Variants in CACNA2D3 observed in about 807,000 individuals in gnomAD.
CACNA2D3 encodes calcium voltage-gated channel auxiliary subunit alpha2delta 3.
Under a neutral mutation model 160.6 loss-of-function variants are expected in CACNA2D3, and 60 were observed. The observed-to-expected ratio is 0.37, with a 90% confidence interval of 0.30 to 0.46. The LOEUF is 0.46. CACNA2D3 is among the 20% of genes least tolerant of loss of function. CACNA2D3 has a pLI of 1.00. For synonymous variants in CACNA2D3, 558 were observed against 492.9 expected (o/e 1.13, Z -1.75); for missense variants, 1,205 against 1,365.0 (o/e 0.88, Z 1.85).
intron 29 of CACNA2D3, among the ~76,000 whole-genome samples, chr3:54,973,280 C>T (rs1351552983): frequency 1.3e-5 from 2 of 152,122 alleles, no homozygotes; most frequent in Non-Finnish European, 2.9e-5. Context: ...CTCAGTCTGA[C>T]CTGCAGGTGC....
intron 14 of CACNA2D3, among the ~76,000 whole-genome samples, chr3:54,827,589 G>A (rs1041901635): frequency 2.0e-5 from 3 of 152,126 alleles, no homozygotes; most frequent in Admixed American, 6.5e-5. Context: ...TGGACGTTGT[G>A]CACCAGCTTC....
At chr3:54,789,592 A>G (rs574132467) in intron 13 of CACNA2D3, among the ~76,000 whole-genome samples, 3 of 152,176 alleles carry the variant, frequency 2.0e-5, no homozygotes, top group Non-Finnish European at 4.4e-5. Context: ...TCCAAAATCA[A>G]ACTGTTTTGC....
chr3:54,646,033 A>C (rs1006162180), intron 11 of CACNA2D3, among the ~76,000 whole-genome samples: 1 of 152,012 alleles, frequency 6.6e-6, no homozygotes, highest in Non-Finnish European at 1.5e-5. Flanking sequence ...AATCTCGTAT[A>C]GGTGAAGGGT....
intron 5 of CACNA2D3, among the ~76,000 whole-genome samples, chr3:54,514,599 A>G (rs1000784873): frequency 9.2e-5 from 14 of 152,192 alleles, no homozygotes; most frequent in Non-Finnish European, 5.9e-5. Context: ...ACAGCTGGGC[A>G]TATGATGCAC....
chr3:55,010,069 T>C (rs1176643378), intron 34 of CACNA2D3, among the ~76,000 whole-genome samples: 1 of 152,140 alleles, frequency 6.6e-6, no homozygotes, highest in Non-Finnish European at 1.5e-5. Flanking sequence ...TGTGTGTGCA[T>C]GTATGTTTAA....
At chr3:54,170,262 G>A (rs1300447563) in intron 2 of CACNA2D3, among the ~76,000 whole-genome samples, 1 of 151,778 alleles carries the variant, frequency 6.6e-6, no homozygotes, top group Non-Finnish European at 1.5e-5. Flanking sequence ...AGGTACCCAG[G>A]CGGTTCTGCC....
chr3:54,726,486 G>C (rs1404664437), intron 11 of CACNA2D3, among the ~76,000 whole-genome samples: 1 of 152,164 alleles, frequency 6.6e-6, no homozygotes, highest in Non-Finnish European at 1.5e-5. Flanking sequence ...AAGGCTGGAG[G>C]CATCACACTA....
intron 2 of CACNA2D3, among the ~76,000 whole-genome samples, chr3:54,237,347 C>T (rs550154674): frequency 6.6e-6 from 1 of 152,168 alleles, no homozygotes; most frequent in South Asian, 2.1e-4. Flanking sequence ...GAAAGCAGTT[C>T]AGAGGAGAGG....
intron 13 of CACNA2D3, among the ~76,000 whole-genome samples, chr3:54,785,742 G>C (rs1423324131): frequency 6.6e-6 from 1 of 152,238 alleles, no homozygotes; most frequent in Non-Finnish European, 1.5e-5. Flanking sequence ...GGTACCAAAA[G>C]ATAGTGGCCC....
At chr3:55,033,540 TTCACCCGATATG>T (rs1387754253) in intron 35 of CACNA2D3, among the ~76,000 whole-genome samples, 2 of 146,618 alleles carry the variant, frequency 1.4e-5, no homozygotes, top group Non-Finnish European at 3.0e-5. Context: ...TACCTTTTAT[TTCACCCGATATG>T]TCTGAAACTA....
chr3:54,687,049 G>T (rs1439848995), intron 11 of CACNA2D3, among the ~76,000 whole-genome samples: 3 of 151,294 alleles, frequency 2.0e-5, no homozygotes, highest in African/African-American at 7.3e-5. Flanking sequence ...CTCTATAGGT[G>T]GCATACCTGA....
chr3:54,525,544 T>C (rs1389375141), intron 5 of CACNA2D3, among the ~76,000 whole-genome samples: 1 of 152,194 alleles, frequency 6.6e-6, no homozygotes, highest in African/African-American at 2.4e-5. Flanking sequence ...TCTTTATCTG[T>C]TAATATCTTT....
intron 4 of CACNA2D3, among the ~76,000 whole-genome samples, chr3:54,429,284 A>G (rs973206483): frequency 6.6e-6 from 1 of 152,216 alleles, no homozygotes; most frequent in African/African-American, 2.4e-5. Flanking sequence ...AAAAAATCAT[A>G]AAACTAAATT....
At chr3:54,772,351 T>G (rs1348014964) in intron 13 of CACNA2D3, among the ~76,000 whole-genome samples, 1 of 151,836 alleles carries the variant, frequency 6.6e-6, no homozygotes, top group Non-Finnish European at 1.5e-5. Context: ...AAATGACCCG[T>G]GAGTATAGTG....
At chr3:54,386,583 T>A (rs1385171398) in intron 3 of CACNA2D3, 132 bp from the exon 4 acceptor site, 1 of 714,166 alleles carries the variant, frequency 1.4e-6, no homozygotes, top group Non-Finnish European at 2.2e-6. Context: ...TTCAGTTTCA[T>A]GGGAGCAAAG....
chr3:54,759,390 T>G (rs1702039443), intron 12 of CACNA2D3, among the ~76,000 whole-genome samples: 1 of 151,878 alleles, frequency 6.6e-6, no homozygotes, highest in African/African-American at 2.4e-5. Context: ...ACAAGGGAAG[T>G]GTCTATGGTT....
intron 32 of CACNA2D3, among the ~76,000 whole-genome samples, chr3:55,007,214 A>G (rs1298600469): frequency 1.3e-5 from 2 of 152,118 alleles, no homozygotes; most frequent in African/African-American, 4.8e-5. Flanking sequence ...AGTGAAGGAG[A>G]TTTTCAGCAA....
At chr3:54,192,650 A>G (rs1275661620) in intron 2 of CACNA2D3, among the ~76,000 whole-genome samples, 2 of 149,308 alleles carry the variant, frequency 1.3e-5, no homozygotes. Context: ...TCAGCTCCCT[A>G]CATGCTTTTC....
At chr3:54,871,784 A>G (rs774178546) in intron 18 of CACNA2D3, among the ~76,000 whole-genome samples, 162 bp downstream of exon 18, 1 of 143,018 alleles carries the variant, frequency 7.0e-6, no homozygotes, top group Admixed American at 7.5e-5. Context: ...GTGGAGTTTT[A>G]TAACTCTTCA....
Sources: gnomAD v4.1 joint callset for allele counts (sites outside exome capture counted in the v4.1 genomes callset) on GRCh38, gnomAD v4.1.1 for gene constraint, MANE v1.5 for transcripts, NCBI Gene and HGNC (gene_info 2026-07-23, HGNC 2026-07-21) for gene names.